The following DDX50 variants were observed in gnomAD, a reference collection of about 807,000 sequenced individuals.
DDX50 encodes ATP-dependent RNA helicase DDX50.
In DDX50, 56 loss-of-function variants were observed where a neutral mutation model predicts 94.8. That is an observed-to-expected ratio of 0.59 (90% CI 0.48 to 0.74). DDX50 has a LOEUF of 0.74. Among genes scored for constraint, DDX50 ranks in the 30% least tolerant of loss-of-function variants. The pLI, the probability that DDX50 is intolerant of heterozygous loss-of-function variation, is 0.00. For missense variants in DDX50, 713 were observed against 881.2 expected, an observed-to-expected ratio of 0.81 and a Z score of 2.42; for synonymous variants, 264 against 295.4, an observed-to-expected ratio of 0.89 and a Z score of 1.09.
intron 1 of DDX50, among the ~76,000 whole-genome samples, chr10:68,903,194 CAGA>C (rs1470173976): frequency 1.3e-4 from 19 of 151,814 alleles, no homozygotes; most frequent in Admixed American, 1.2e-3. Flanking sequence ...TGCTTGAGCC[CAGA>C]AGTTTAGGTA....
At chr10:68,928,799 C>T (rs1175629291) in intron 8 of DDX50, among the ~76,000 whole-genome samples, 1 of 152,140 alleles carries the variant, frequency 6.6e-6, no homozygotes, top group Non-Finnish European at 1.5e-5. Flanking sequence ...CTCCAGCATT[C>T]CCTAGGGCTA....
chr10:68,925,128 A>C (rs1040623448), intron 8 of DDX50, among the ~76,000 whole-genome samples: 1 of 96,116 alleles, frequency 1.0e-5, no homozygotes, highest in Admixed American at 1.6e-4. Flanking sequence ...TTTGAGAAGG[A>C]GTTCTGCTCT....
intron 1 of DDX50, among the ~76,000 whole-genome samples, chr10:68,901,685 C>T (rs1048763796): frequency 6.6e-6 from 1 of 152,212 alleles, no homozygotes; most frequent in Non-Finnish European, 1.5e-5. Context: ...TGGGCCTCTC[C>T]TCCGCGTGGC....
intron 8 of DDX50, among the ~76,000 whole-genome samples, chr10:68,921,684 TTATGGAAACAGTATCGCCTATTGATAA>T (rs1836289115): frequency 6.6e-6 from 1 of 152,218 alleles, no homozygotes; most frequent in Non-Finnish European, 1.5e-5. Context: ...GAGAAAGGGC[TTATGGAAACAGTATCGCCTATTGATAA>T]TATCTTGTTT....
intron 13 of DDX50, 93 bp downstream of exon 13, chr10:68,941,287 A>G: frequency 6.7e-7 from 1 of 1,484,472 alleles, no homozygotes; most frequent in Non-Finnish European, 9.1e-7. Context: ...TTTGAAGCCT[A>G]ATGGCATGAA....
chr10:68,914,007 G>A, intron 6 of DDX50, 52 bp from the exon 7 acceptor site: 1 of 1,488,014 alleles, frequency 6.7e-7, no homozygotes, highest in Non-Finnish European at 9.0e-7. Context: ...TTAAGAGCGG[G>A]CTACATCGTG....
chr10:68,922,828 C>G (rs1309210910), intron 8 of DDX50, among the ~76,000 whole-genome samples: 1 of 141,906 alleles, frequency 7.0e-6, no homozygotes, highest in Non-Finnish European at 1.5e-5. Context: ...TCTCCTATTG[C>G]CCAGGCTGGA....
At chr10:68,939,488 C>G (rs1842505061) in intron 12 of DDX50, among the ~76,000 whole-genome samples, 1 of 152,118 alleles carries the variant, frequency 6.6e-6, no homozygotes, top group Non-Finnish European at 1.5e-5. Context: ...TCAGGAATGT[C>G]CTATAGGCTT....
At position 68,934,215 on chromosome 10, in the gene DDX50, A is replaced by T. The variant is rs1159669021; in HGVS notation, c.1256A>T (p.His419Leu). ...CTCAAATAGAATGCCCAGTGTTTAC[A>T]TGGGGACATTGCACAGTCACAAAGA... is the stretch of plus-strand genomic sequence containing the variant. Reference protein sequence around the residue: ...PHIKQNAQCLHGDIAQSQREI... With the variant: ...PHIKQNAQCLLGDIAQSQREI... The change falls in exon 9 of 15, where the codon CAT (histidine) becomes CTT (leucine). Residue 419 changes from histidine (H) to leucine (L), a missense_variant. Transcript: ENST00000373585. This position sits in a 1 kb window ranked among gnomAD's most constrained non-coding sequence, Gnocchi z 4.0. 1 of 1,611,764 alleles carries T rather than the reference A, an allele frequency of 6.2e-7. No individual in the cohort carries two copies.
chr10:68,941,233 C>T (rs750086575), intron 13 of DDX50, 39 bp downstream of exon 13: 15 of 1,603,480 alleles, frequency 9.4e-6, no homozygotes, highest in East Asian at 6.7e-5. Context: ...TTTTAATCAA[C>T]TACCCCAAAT....
Position 68,934,136 on chromosome 10 carries a change from T to C in DDX50, c.1240-63T>C. 6.7e-7 allele frequency: 1 copy of C among 1,483,324 alleles called. No homozygotes were observed. Among genetic ancestry groups the C allele is most frequent in the Admixed American group, 2.1e-5 (1 of 47,278 alleles). 91.9% of individuals were successfully genotyped at this position (1,483,324 alleles called of 1,614,324 possible). ...ATGCAAAAGGAGCACAGACTAGATGTTGTTGTGCTATCAGTTGCAAGTATG... is the reference window on the plus strand; with the variant it reads ...ATGCAAAAGGAGCACAGACTAGATGCTGTTGTGCTATCAGTTGCAAGTATG... On this transcript the variant is annotated intron_variant, in intron 8 of 14. Transcript: ENST00000373585. This position sits in a 1 kb window ranked among gnomAD's most constrained non-coding sequence, Gnocchi z 4.0.
chr10:68,903,608 C>A (rs1041006013), intron 1 of DDX50, among the ~76,000 whole-genome samples: 3 of 152,060 alleles, frequency 2.0e-5, no homozygotes, highest in Non-Finnish European at 2.9e-5. Context: ...CGAGACCAGC[C>A]TGGCCAACAT....
chr10:68,925,281 T>A (rs1462281144), intron 8 of DDX50, among the ~76,000 whole-genome samples: 1 of 151,722 alleles, frequency 6.6e-6, no homozygotes, highest in African/African-American at 2.4e-5. Flanking sequence ...TTTTTTTTTT[T>A]TTATTTTTAG....
chr10:68,940,172 T>G (rs1842522094), intron 12 of DDX50, among the ~76,000 whole-genome samples: 2 of 151,980 alleles, frequency 1.3e-5, no homozygotes, highest in African/African-American at 4.8e-5. Context: ...GCAGATCACT[T>G]GAGTCCAGGG....
Position 68,943,215 on chromosome 10 carries a change from T to C in DDX50, c.1893T>C (p.Gly631=), listed in dbSNP as rs138856116. 1,864 of 1,607,318 alleles carry C rather than the reference T, an allele frequency of 1.2e-3. 1 individual carries two copies. The highest frequency in any genetic ancestry group is 1.5e-3 in the Non-Finnish European group (1,779 of 1,178,204). ...TRMCLLKGNM[G]VCFDVPTTES... ...GTTTTGCTTTGTTTTGCTTTTAGGG[T>C]GTTTGCTTTGATGTTCCTACAACTG... The change falls in exon 14 of 15, where the codon GGT becomes GGC. Residue 631 remains glycine (G), a splice_region_variant and synonymous_variant. Transcript: ENST00000373585.
chr10:68,926,971 G>T (rs1842110085), intron 8 of DDX50, among the ~76,000 whole-genome samples: 1 of 151,990 alleles, frequency 6.6e-6, no homozygotes, highest in East Asian at 1.9e-4. Flanking sequence ...GAAGTGCAGT[G>T]GTGTGATCAC....
At chr10:68,901,946 T>C (rs1841298285) in intron 1 of DDX50, among the ~76,000 whole-genome samples, 2 of 152,040 alleles carry the variant, frequency 1.3e-5, no homozygotes, top group Admixed American at 6.5e-5. Context: ...TGTAGAGGCT[T>C]AAGGAAAAGT....
At position 68,911,194 on chromosome 10, in the gene DDX50, T is replaced by C. The variant is rs1380465518; in HGVS notation, c.587T>C (p.Ile196Thr). 4 of 1,611,112 alleles carry C rather than the reference T, an allele frequency of 2.5e-6. No individual in the cohort carries two copies. The highest frequency in any genetic ancestry group is 2.2e-5 in the East Asian group (1 of 44,808). ...ACATTCTCTTTTGCCATCCCCTTAATTGAAAGACTCCAAAGAAATCAAGAA... is the reference window on the plus strand; with the variant it reads ...ACATTCTCTTTTGCCATCCCCTTAACTGAAAGACTCCAAAGAAATCAAGAA... ...GKTFSFAIPL[I>T]ERLQRNQETI... is the part of the protein sequence containing the mutation. The change falls in exon 4 of 15, where the codon ATT becomes ACT. Residue 196 changes from isoleucine to threonine, a missense_variant. By Grantham distance (89) the Ile-to-Thr change is moderately conservative. This residue lies in a region of DDX50 where 285 missense variants were observed against 278.9 expected (regional missense o/e 1.02). Coordinates refer to ENST00000373585, the MANE Select transcript of DDX50 (RefSeq NM_024045.2).
intron 1 of DDX50, among the ~76,000 whole-genome samples, chr10:68,902,402 C>T (rs902621909): frequency 2.6e-5 from 4 of 152,198 alleles, no homozygotes; most frequent in Non-Finnish European, 4.4e-5. Flanking sequence ...AAAGCAGAAT[C>T]TACCTCTCTG....
Sources: allele counts gnomAD v4.1 joint callset (sites outside exome capture counted in the v4.1 genomes callset), GRCh38; gene constraint gnomAD v4.1.1; regional missense constraint gnomAD v4.1.1; non-coding constraint Gnocchi (gnomAD v3.1); transcripts MANE v1.5; gene names NCBI Gene and HGNC (gene_info 2026-07-23, HGNC 2026-07-21).